The following PELI3 variants were observed in gnomAD, a reference collection of about 807,000 sequenced individuals.
The protein encoded by PELI3 is E3 ubiquitin-protein ligase pellino homolog 3.
In PELI3, 19 loss-of-function variants were observed where a neutral mutation model predicts 35.5. That is an observed-to-expected ratio of 0.54 (90% CI 0.37 to 0.79). The LOEUF (loss-of-function observed/expected upper bound fraction) is 0.79, where lower values mean the gene tolerates loss of function less well. PELI3 is among the 30% of genes least tolerant of loss of function. The probability of loss-of-function intolerance (pLI) is 0.00; values close to 1 mark genes in which losing one functional copy is unlikely to be tolerated. For synonymous variants in PELI3, 262 were observed against 279.2 expected (o/e 0.94, Z 0.62); for missense variants, 490 against 661.2 (o/e 0.74, Z 2.84).
chr11:66,469,970 T>G (rs1007831371), intron 3 of PELI3, among the ~76,000 whole-genome samples: 1 of 151,976 alleles, frequency 6.6e-6, no homozygotes, highest in Admixed American at 6.6e-5. Context: ...TGGCTAGTTT[T>G]TGTATTTTCA....
chr11:66,475,639 C>T lies in PELI3; in HGVS notation c.882C>T (p.Ile294=), dbSNP rs1217732383. 3.7e-6 allele frequency: 6 copies of T among 1,612,610 alleles called. No individual in the cohort carries two copies. The highest frequency in any genetic ancestry group is 1.7e-5 in the Admixed American group (1 of 59,908). The change falls in exon 8 of 8, where the codon ATC becomes ATT. Residue 294 remains isoleucine, a synonymous_variant. Coordinates refer to ENST00000320740, the MANE Select transcript of PELI3 (RefSeq NM_145065.3). The part of the protein sequence containing the change: ...ESNVLQDGSL[I]DLCGATLLWR... Reference sequence around the variant, plus strand: ...ACGTGCTGCAGGACGGCTCTCTCATCGACCTGTGTGGGGCCACACTGCTGT... The same window carrying T: ...ACGTGCTGCAGGACGGCTCTCTCATTGACCTGTGTGGGGCCACACTGCTGT...
intron 2 of PELI3, 142 bp downstream of exon 2, chr11:66,468,422 A>G (rs1166166536): frequency 3.9e-6 from 3 of 774,804 alleles, no homozygotes; most frequent in Non-Finnish European, 5.5e-6. Context: ...GACAAAATTG[A>G]CCAAACCCAC....
At chr11:66,474,482 C>T (rs1200937203) in intron 7 of PELI3, 4 of 210,368 alleles carry the variant, frequency 1.9e-5, no homozygotes, top group Non-Finnish European at 3.7e-5. Flanking sequence ...TGTCCAAGGT[C>T]ACATGGCCGT....
At chr11:66,475,280 C>T (rs1854865323) in intron 7 of PELI3, among the ~76,000 whole-genome samples, 1 of 152,232 alleles carries the variant, frequency 6.6e-6, no homozygotes, top group Non-Finnish European at 1.5e-5. Flanking sequence ...AAGTACCCAG[C>T]ATTCCTCATT....
At chr11:66,474,621 ATTGT>A (rs1238460693) in intron 7 of PELI3, 1 of 153,432 alleles carries the variant, frequency 6.5e-6, no homozygotes, top group African/African-American at 2.4e-5. Flanking sequence ...CTGGGGAAGC[ATTGT>A]TTGTTAAAAC....
At chr11:66,474,165 T>C (rs1854822459) in intron 7 of PELI3, 2 of 680,524 alleles carry the variant, frequency 2.9e-6, no homozygotes, top group Non-Finnish European at 5.2e-6. Context: ...CAGGGGGTGA[T>C]GCGATCAAGG....
At chr11:66,472,293 A>G (rs1284042115) in intron 4 of PELI3, 76 bp from the exon 5 acceptor site, 11 of 1,133,340 alleles carry the variant, frequency 9.7e-6, no homozygotes, top group Non-Finnish European at 1.5e-5. Context: ...CTGGGCCTTG[A>G]GCTCCAGGTG....
At chr11:66,472,564 A>C in intron 5 of PELI3, 94 bp downstream of exon 5, 1 of 1,022,356 alleles carries the variant, frequency 9.8e-7, no homozygotes, top group Non-Finnish European at 1.5e-6. Context: ...GGCCATGGGA[A>C]AGCTGCTTCT....
chr11:66,474,089 C>A, intron 7 of PELI3, 164 bp downstream of exon 7: 1 of 887,622 alleles, frequency 1.1e-6, no homozygotes, highest in Non-Finnish European at 1.8e-6. Flanking sequence ...TAGCATGAGC[C>A]ACTTGTCCCA....
intron 3 of PELI3, 36 bp downstream of exon 3, chr11:66,468,940 T>G (rs1199733023): frequency 8.3e-6 from 6 of 721,226 alleles, no homozygotes. Flanking sequence ...CCCAGGTCTT[T>G]CTTACTCTAG....
chr11:66,475,534 G>A (rs759580566), intron 7 of PELI3, 64 bp from the exon 8 acceptor site: 19 of 1,559,626 alleles, frequency 1.2e-5, no homozygotes, highest in Non-Finnish European at 1.7e-5. Flanking sequence ...GAGGCTCTGT[G>A]GGATGGACCC....
intron 3 of PELI3, among the ~76,000 whole-genome samples, chr11:66,470,158 T>C (rs530361316): frequency 9.5e-4 from 144 of 152,258 alleles, no homozygotes; most frequent in African/African-American, 3.4e-3. Context: ...TTGTCTGTAT[T>C]TGGCAGCTCT....
chr11:66,475,899 A>G lies in PELI3; in HGVS notation c.1142A>G (p.Glu381Gly). ...WGCRRERGPQERECPLCRLVG... is the reference protein window; with the variant it reads ...WGCRRERGPQGRECPLCRLVG... ...TGCCGGCGGGAGCGGGGCCCCCAGG[A>G]GCGCGAATGTCCTCTCTGCCGCCTT... Residue 381 changes from glutamate (E) to glycine (G), a missense_variant, in exon 8 of 8, where the codon GAG becomes GGG. Transcript: ENST00000320740. The G allele has an allele frequency of 6.2e-7, 1 of 1,608,120 alleles. No individual in the cohort carries two copies. The highest frequency in any genetic ancestry group is 8.5e-7 in the Non-Finnish European group (1 of 1,177,810).
rs1447871963 is a variant in PELI3, at chr11:66,467,436, C to A, written c.-2+409C>A. On this transcript the variant is annotated intron_variant, in intron 1 of 7. Coordinates refer to ENST00000320740, the MANE Select transcript of PELI3 (RefSeq NM_145065.3). This position sits in a 1 kb window ranked among gnomAD's most constrained non-coding sequence, Gnocchi z 4.2. Reference sequence around the variant, plus strand: ...AGGGGGGAGCGCCGCCTCCGCAGGCCTCCTGAGACCCGGGCGGCTGGGGAC... The same window carrying A: ...AGGGGGGAGCGCCGCCTCCGCAGGCATCCTGAGACCCGGGCGGCTGGGGAC... 1 of 152,170 alleles carries A rather than the reference C, an allele frequency of 6.6e-6. No homozygotes were observed. The highest frequency in any genetic ancestry group is 2.4e-5 in the African/African-American group (1 of 41,426). 9.4% of individuals were successfully genotyped at this position (152,170 alleles called of 1,614,324 possible). A position where few individuals can be genotyped will look rare whatever the true frequency, so the allele number is the denominator to read the frequency against.
In PELI3 at chr11:66,468,989, A is replaced by G. The variant is rs973993637; in HGVS notation, c.224+85A>G. 2.9e-5 allele frequency: 18 copies of G among 612,028 alleles called. 1 individual carries two copies. The highest frequency in any genetic ancestry group is 2.6e-4 in the African/African-American group (14 of 53,698). 37.9% of individuals were successfully genotyped at this position (612,028 alleles called of 1,614,324 possible). A position where few individuals can be genotyped will look rare whatever the true frequency, so the allele number is the denominator to read the frequency against. Reference sequence around the variant, plus strand: ...TCACTAAGCCACAGCTGACCCTCACACTACAGATGAGAAAGCCAAGGCCAG... The same window carrying G: ...TCACTAAGCCACAGCTGACCCTCACGCTACAGATGAGAAAGCCAAGGCCAG... On this transcript the variant is annotated intron_variant, in intron 3 of 7. Coordinates refer to ENST00000320740, the MANE Select transcript of PELI3 (RefSeq NM_145065.3).
rs1260636683 is a variant in PELI3, at chr11:66,476,076, A to G, written c.1319A>G (p.His440Arg). 4 of 1,608,180 alleles carry G rather than the reference A, an allele frequency of 2.5e-6. No individual in the cohort carries two copies. Among genetic ancestry groups the G allele is most frequent in the South Asian group, 2.2e-5 (2 of 90,560 alleles). ...WAQTPLPHGTHAFHAACPFCG... is the reference protein window; with the variant it reads ...WAQTPLPHGTRAFHAACPFCG... ...CAGACACCACTGCCCCACGGCACCC[A>G]TGCTTTCCATGCCGCCTGCCCCTTT... The change falls in exon 8 of 8, where the codon CAT (histidine) becomes CGT (arginine). Residue 440 changes from histidine (H) to arginine (R), a missense_variant. His to Arg is a conservative substitution (Grantham distance 29). Coordinates refer to ENST00000320740, the MANE Select transcript of PELI3 (RefSeq NM_145065.3).
intron 4 of PELI3, among the ~76,000 whole-genome samples, chr11:66,472,020 C>G (rs1247691688): frequency 2.0e-5 from 3 of 151,336 alleles, no homozygotes; most frequent in South Asian, 2.1e-4. Flanking sequence ...CCACCACACC[C>G]AGCTAATTTT....
In PELI3 at chr11:66,473,454, G is replaced by A; in HGVS notation, c.651+19G>A. 1 of 1,597,726 alleles carries A rather than the reference G, an allele frequency of 6.3e-7. No individual in the cohort carries two copies. Among genetic ancestry groups the A allele is most frequent in the Non-Finnish European group, 8.5e-7 (1 of 1,169,664 alleles). ...CCTTGGAGTGAGTGAGCCCCAGGAA[G>A]GGACCAACTCTTCATCTGTGAGGCA... On this transcript the variant is annotated intron_variant, in intron 6 of 7. Coordinates refer to ENST00000320740, the MANE Select transcript of PELI3 (RefSeq NM_145065.3). This position sits in a 1 kb window ranked among gnomAD's most constrained non-coding sequence, Gnocchi z 5.8.
chr11:66,466,916 G>C lies in PELI3; in HGVS notation c.-113G>C, dbSNP rs1370048545. 6.6e-6 allele frequency: 1 copy of C among 151,406 alleles called. No homozygotes were observed. The highest frequency in any genetic ancestry group is 6.6e-5 in the Admixed American group (1 of 15,244). The allele number at this position is 151,406 out of a possible 1,614,324, so 9.4% of individuals were successfully genotyped here. ...CCCCGGCCCTGGGTGTCCCCGTGAC[G>C]AGGCAGCGCGGAGCCGCCGCGGGCC... On this transcript the variant is annotated 5_prime_UTR_variant, in exon 1 of 8. Transcript: ENST00000320740.
Sources: allele counts gnomAD v4.1 joint callset (sites outside exome capture counted in the v4.1 genomes callset), GRCh38; gene constraint gnomAD v4.1.1; non-coding constraint Gnocchi (gnomAD v3.1); transcripts MANE v1.5; gene names NCBI Gene and HGNC (gene_info 2026-07-23, HGNC 2026-07-21).